Variants in BECN1 observed in about 807,000 individuals in gnomAD.
The protein encoded by BECN1 is beclin 1, also known as beclin-1.
BECN1 carries 15 observed loss-of-function variants against 60.1 expected under a neutral mutation model. The ratio of observed to expected loss-of-function variants is 0.25; its 90% confidence interval spans 0.17 to 0.38. BECN1 has a LOEUF of 0.38. Among genes scored for constraint, BECN1 ranks in the 10% least tolerant of loss-of-function variants. BECN1 has a pLI of 1.00. For missense variants in BECN1, 424 were observed against 548.2 expected (o/e 0.77, Z 2.26); for synonymous variants, 179 against 201.8 (o/e 0.89, Z 0.96).
intron 9 of BECN1, 83 bp downstream of exon 9, chr17:42,814,441 G>C (rs1353845893): frequency 6.4e-7 from 1 of 1,563,972 alleles, no homozygotes; most frequent in Non-Finnish European, 8.7e-7. Flanking sequence ...AAGGGCTCCT[G>C]ACATGGTGGA....
intron 7 of BECN1, among the ~76,000 whole-genome samples, chr17:42,817,004 G>C (rs1380728174): frequency 6.6e-6 from 1 of 151,044 alleles, no homozygotes; most frequent in African/African-American, 2.4e-5. Context: ...AAAAACAGTG[G>C]CTTTTTCCAG....
intron 3 of BECN1, chr17:42,820,463 G>A: frequency 3.2e-6 from 1 of 308,526 alleles, no homozygotes; most frequent in Admixed American, 4.2e-5. Flanking sequence ...AGAACGACCT[G>A]GACACACAGG....
chr17:42,816,057 G>C lies in BECN1; in HGVS notation c.684-3C>G. Reference sequence around the variant, plus strand: ...ATTCACTGTATTCTCTCTGATACCTGTGAGCAGCCAAGGGGGCCATTGAAG... The same window carrying C: ...ATTCACTGTATTCTCTCTGATACCTCTGAGCAGCCAAGGGGGCCATTGAAG... On this transcript the variant is annotated splice_polypyrimidine_tract_variant and splice_region_variant and intron_variant, in intron 7 of 11. Transcript: ENST00000590099. 1.3e-6 allele frequency: 2 copies of C among 1,579,480 alleles called. No homozygotes were observed. The highest frequency in any genetic ancestry group is 1.7e-6 in the Non-Finnish European group (2 of 1,163,430).
rs569700839 is a variant in BECN1 at position 42,824,181 on chromosome 17, A to G, written c.-29T>C. ...TCGGGAGCCCGGAGCCCGTCACCCAAGTCCGGTCTACCGCGGAGGCACTGT... is the reference window on the plus strand; with the variant it reads ...TCGGGAGCCCGGAGCCCGTCACCCAGGTCCGGTCTACCGCGGAGGCACTGT... On this transcript the variant is annotated 5_prime_UTR_variant, in exon 1 of 12. Transcript: ENST00000590099. 1 of 428,908 alleles carries G rather than the reference A, an allele frequency of 2.3e-6. No homozygotes were observed. The highest frequency in any genetic ancestry group is 3.5e-5 in the East Asian group (1 of 28,984). 26.6% of individuals were successfully genotyped at this position (428,908 alleles called of 1,614,324 possible). A position where few individuals can be genotyped will look rare whatever the true frequency, so the allele number is the denominator to read the frequency against.
At chr17:42,813,830 G>A (rs939777313) in intron 10 of BECN1, 118 bp downstream of exon 10, 1 of 695,538 alleles carries the variant, frequency 1.4e-6, no homozygotes, top group East Asian at 2.8e-5. Context: ...ACAATATACT[G>A]GCTCTTCATA....
rs1402057316 is a variant in BECN1, at chr17:42,820,767, C to T, written c.198+7G>A. ...GAGGAGGATAGGGGAGAGGGCACTT[C>T]TATTACCTCTCCTGAGTTAGTCTCT... On this transcript the variant is annotated splice_region_variant and intron_variant, in intron 3 of 11. Transcript: ENST00000590099. 1.3e-6 allele frequency: 2 copies of T among 1,577,610 alleles called. No individual in the cohort carries two copies. The highest frequency in any genetic ancestry group is 2.3e-5 in the South Asian group (2 of 86,420).
At chr17:42,820,699 C>T in intron 3 of BECN1, 75 bp downstream of exon 3, 4 of 1,451,780 alleles carry the variant, frequency 2.8e-6, no homozygotes, top group Non-Finnish European at 2.8e-6. Context: ...AGCCTGCATT[C>T]CTGTTTTCAT....
chr17:42,816,038 T>C lies in BECN1; in HGVS notation c.700A>G (p.Ser234Gly), dbSNP rs746860359. 1 of 1,597,504 alleles carries C rather than the reference T, an allele frequency of 6.3e-7. No individual in the cohort carries two copies. The highest frequency in any genetic ancestry group is 1.7e-5 in the Admixed American group (1 of 58,784). Residue 234 changes from serine to glycine, a missense_variant, in exon 8 of 12, where the codon AGT becomes GGT. Coordinates refer to ENST00000590099, the MANE Select transcript of BECN1 (RefSeq NM_001313998.2). ...TCCAGCTGCTGTCGTTTAAATTCAC[T>C]GTATTCTCTCTGATACCTGTGAGCA... is the stretch of plus-strand genomic sequence containing the variant. Reference protein sequence around the residue: ...QEEAQYQREYSEFKRQQLELD... With the variant: ...QEEAQYQREYGEFKRQQLELD...
At chr17:42,814,243 T>A in intron 9 of BECN1, 1 of 565,912 alleles carries the variant, frequency 1.8e-6, no homozygotes, top group Non-Finnish European at 3.1e-6. Context: ...ATGTTTTGGT[T>A]TAAATTTAAG....
In BECN1 at chr17:42,824,214, G is replaced by C; in HGVS notation, c.-62C>G. 1 of 414,792 alleles carries C rather than the reference G, an allele frequency of 2.4e-6. No homozygotes were observed. Among genetic ancestry groups the C allele is most frequent in the Non-Finnish European group, 4.3e-6 (1 of 233,910 alleles). The allele number at this position is 414,792 out of a possible 1,614,324, so 25.7% of individuals were successfully genotyped here. A position where few individuals can be genotyped will look rare whatever the true frequency, so the allele number is the denominator to read the frequency against. ...CTACCGCGGAGGCACTGTGGCCTCG[G>C]GTCGGCCCCGGAGCGAGGCCTCCAG... On this transcript the variant is annotated 5_prime_UTR_variant, in exon 1 of 12. Transcript: ENST00000590099.
intron 9 of BECN1, 61 bp from the exon 10 acceptor site, chr17:42,814,069 G>C: frequency 1.6e-6 from 2 of 1,215,608 alleles, no homozygotes; most frequent in Non-Finnish European, 2.3e-6. Context: ...TTATTGGGAA[G>C]TTACAACCCA....
chr17:42,812,422 A>G (rs1040470212), intron 10 of BECN1: 2 of 147,438 alleles, frequency 1.4e-5, no homozygotes, highest in African/African-American at 5.0e-5. Context: ...AAGAAAAAAA[A>G]ATAAAAATAT....
intron 2 of BECN1, among the ~76,000 whole-genome samples, chr17:42,821,343 C>T (rs1338818355): frequency 1.3e-5 from 2 of 152,132 alleles, no homozygotes; most frequent in African/African-American, 2.4e-5. Flanking sequence ...GCTGAGTCAC[C>T]GCGCCCGGCC....
At chr17:42,823,478 TC>T (rs1269802085) in intron 2 of BECN1, among the ~76,000 whole-genome samples, 1 of 152,140 alleles carries the variant, frequency 6.6e-6, no homozygotes, top group Non-Finnish European at 1.5e-5. Flanking sequence ...GGTCTCGAAC[TC>T]CTGACCTCAG....
At chr17:42,814,134 C>T in intron 9 of BECN1, 126 bp from the exon 10 acceptor site, 1 of 590,144 alleles carries the variant, frequency 1.7e-6, no homozygotes, top group Non-Finnish European at 2.9e-6. Flanking sequence ...TCAACTCCCT[C>T]TCCCACCTCC....
In BECN1 at chr17:42,818,608, C is replaced by T. The variant is rs2055194800; in HGVS notation, c.424G>A (p.Asp142Asn). 6.2e-7 allele frequency: 1 copy of T among 1,614,188 alleles called. No homozygotes were observed. Residue 142 changes from aspartate (D) to asparagine (N), a missense_variant, in exon 6 of 12, where the codon GAT (aspartate) becomes AAT (asparagine). By Grantham distance (23) the Asp-to-Asn change is conservative. Around this residue, in one of 3 missense-constraint regions of BECN1, gnomAD observed 326 missense variants for 406.2 expected, o/e 0.80. Transcript: ENST00000590099. ...VDHPLCEECTDTLLDQLDTQL... is the reference protein window; with the variant it reads ...VDHPLCEECTNTLLDQLDTQL... ...GTGTCCAGCTGGTCTAAAAGAGTAT[C>T]TGTGCATTCCTCACAGAGTGGGTGA... is the stretch of plus-strand genomic sequence containing the variant.
At chr17:42,815,523 T>C (rs1410523237) in intron 8 of BECN1, 4 of 204,016 alleles carry the variant, frequency 2.0e-5, no homozygotes, top group Non-Finnish European at 4.0e-5. Context: ...CCAGATTATA[T>C]GCAACTAGAA....
chr17:42,820,507 T>C, intron 3 of BECN1: 1 of 390,816 alleles, frequency 2.6e-6, no homozygotes. Flanking sequence ...AATTTATAAT[T>C]CTGCTTCAAA....
At chr17:42,818,738 A>G (rs766282113) in intron 5 of BECN1, 49 bp downstream of exon 5, 3 of 1,612,090 alleles carry the variant, frequency 1.9e-6, no homozygotes, top group Non-Finnish European at 2.5e-6. Context: ...TCAATTACCC[A>G]CTCTCCCAGC....
Sources: allele counts gnomAD v4.1 joint callset (sites outside exome capture counted in the v4.1 genomes callset), GRCh38; gene constraint gnomAD v4.1.1; regional missense constraint gnomAD v4.1.1; transcripts MANE v1.5; gene names NCBI Gene and HGNC (gene_info 2026-07-23, HGNC 2026-07-21).